Variants in RNF6 observed in about 807,000 individuals in gnomAD.
The protein encoded by RNF6 is E3 ubiquitin-protein ligase RNF6.
In RNF6, 21 loss-of-function variants were observed where a neutral mutation model predicts 50.1. That is an observed-to-expected ratio of 0.42 (90% CI 0.30 to 0.60). The LOEUF is 0.60. RNF6 is among the 20% of genes least tolerant of loss of function. The pLI is 0.20. For synonymous variants in RNF6, 255 were observed against 291.8 expected (o/e 0.87, Z 1.29); for missense variants, 698 against 838.2 (o/e 0.83, Z 2.07).
At chr13:26,208,118 A>G (rs1049041044), downstream of RNF6, among the ~76,000 whole-genome samples, 7 of 152,186 alleles carry the variant, frequency 4.6e-5, no homozygotes, top group South Asian at 8.3e-4. Flanking sequence ...AAGAATTTAC[A>G]TGGTAGGCCT....
At chr13:26,216,251 G>A (rs1869863629) in intron 4 of RNF6, among the ~76,000 whole-genome samples, 1 of 152,138 alleles carries the variant, frequency 6.6e-6, no homozygotes, top group Non-Finnish European at 1.5e-5. Context: ...CAATCTCATA[G>A]GGTTATCCTG....
chr13:26,202,889 G>A (rs1868949156), intron 5 of RNF6, among the ~76,000 whole-genome samples: 1 of 152,176 alleles, frequency 6.6e-6, no homozygotes, highest in Admixed American at 6.5e-5. Context: ...TATTAATTAA[G>A]CTCAAGACTG....
chr13:26,206,876 G>T (rs1869130465), intron 5 of RNF6, among the ~76,000 whole-genome samples: 1 of 151,646 alleles, frequency 6.6e-6, no homozygotes, highest in Non-Finnish European at 1.5e-5. Context: ...TGACTCTCAT[G>T]GGCCCTCGAC....
At chr13:26,178,591 C>CGTGTGTGTGTGTGTGTGTGTGT (rs3981342) in intron 5 of RNF6, among the ~76,000 whole-genome samples, 1 of 100,324 alleles carries the variant, frequency 1.0e-5, no homozygotes, top group Admixed American at 1.1e-4. Flanking sequence ...CTGCCTGGTC[C>CGTGTGTGTGTGTGTGTGTGTGT]GTGTGTGTGT....
intron 5 of RNF6, among the ~76,000 whole-genome samples, chr13:26,187,281 G>GTTTCC (rs369867699): frequency 0.07 from 10,681 of 152,230 alleles, 514 homozygotes; most frequent in Middle Eastern, 0.12. Flanking sequence ...AAGGGGGAAA[G>GTTTCC]CCCTGGAAAA....
intron 5 of RNF6, among the ~76,000 whole-genome samples, chr13:26,180,113 T>C (rs1393322702): frequency 1.3e-5 from 2 of 152,218 alleles, no homozygotes; most frequent in African/African-American, 2.4e-5. Flanking sequence ...TCAAGGGCTA[T>C]ATCCAGTTAT....
At position 26,186,401 on chromosome 13, in the gene RNF6, C is replaced by G. The variant is rs530931166; in HGVS notation, n.768+29073G>C. Among the ~76,000 whole-genome samples, 55 of 152,356 alleles carry G rather than the reference C, an allele frequency of 3.6e-4. No homozygotes were observed. In the East Asian group the frequency reaches 9.6e-3, roughly 27 times the overall value. ...GGCTGTCCCGCGGCAGGAACGCGCT[C>G]GTTGGGCCGCAGAGCAAGAGCGGGA... On this transcript the variant is annotated intron_variant and non_coding_transcript_variant, in intron 5 of 5. Coordinates refer to the RNF6 transcript ENST00000468480.
At position 26,215,252 on chromosome 13, in the gene RNF6, G is replaced by C; in HGVS notation, c.630C>G (p.Ser210=). 1 of 1,614,126 alleles carries C rather than the reference G, an allele frequency of 6.2e-7. No homozygotes were observed. Among genetic ancestry groups the C allele is most frequent in the South Asian group, 1.1e-5 (1 of 91,088 alleles). Residue 210 remains serine (S), a synonymous_variant, in exon 5 of 5, where the codon TCC becomes TCG. Transcript: ENST00000381588. ...QTSVNFNGSS[S]NIPRTRLASR... The stretch of plus-strand genomic sequence containing the variant: ...AAGCAAGCCTAGTCCTTGGAATGTT[G>C]GAACTACTACCATTGAAATTCACTG...
intron 5 of RNF6, among the ~76,000 whole-genome samples, chr13:26,181,434 C>T (rs1210624356): frequency 6.6e-6 from 1 of 152,216 alleles, no homozygotes; most frequent in African/African-American, 2.4e-5. Flanking sequence ...CTGTTGGCAA[C>T]AGCCTGTGAA....
chr13:26,149,963 T>C lies in RNF6; in HGVS notation n.769-17512A>G, dbSNP rs967775854. Among the ~76,000 whole-genome samples the C allele has an allele frequency of 8.7e-5, 9 of 103,700 alleles. 1 individual carries two copies. The highest frequency in any genetic ancestry group is 3.2e-4 in the African/African-American group (8 of 24,838). 68.0% of individuals were successfully genotyped at this position (103,700 alleles called of 152,430 possible). A position where few individuals can be genotyped will look rare whatever the true frequency, so the allele number is the denominator to read the frequency against. ...TGTATATATAATGTGTATATATATA[T>C]ACACAGTGTATATATAATGTGTATA... On this transcript the variant is annotated intron_variant and non_coding_transcript_variant, in intron 5 of 5. Transcript: ENST00000468480.
chr13:26,210,969 C>T (rs1044007997), downstream of RNF6, among the ~76,000 whole-genome samples: 2 of 152,192 alleles, frequency 1.3e-5, no homozygotes, highest in African/African-American at 4.8e-5. Flanking sequence ...GTTTGCCAGA[C>T]AGCCACACTA....
intron 5 of RNF6, among the ~76,000 whole-genome samples, chr13:26,167,686 G>A (rs960106023): frequency 4.6e-5 from 7 of 152,238 alleles, no homozygotes; most frequent in African/African-American, 1.2e-4. Flanking sequence ...TTGACCCAGC[G>A]ATCCCATTAC....
intron 5 of RNF6, among the ~76,000 whole-genome samples, chr13:26,148,632 TTATATATATATA>T (rs57373126): frequency 0.05 from 2,353 of 47,050 alleles, 127 homozygotes; most frequent in South Asian, 0.079. Flanking sequence ...ATAAATCTCT[TTATATATATATA>T]TATATATATA....
intron 5 of RNF6, among the ~76,000 whole-genome samples, chr13:26,146,713 A>C (rs1871266008): frequency 6.6e-6 from 1 of 152,186 alleles, no homozygotes; most frequent in Non-Finnish European, 1.5e-5. Flanking sequence ...AACCAACCCC[A>C]GTAGCTAGAA....
intron 5 of RNF6, among the ~76,000 whole-genome samples, chr13:26,205,825 CACATGTCGAAACCCTGTCTCT>C (rs1207680403): frequency 1.3e-5 from 2 of 152,120 alleles, no homozygotes; most frequent in Admixed American, 6.6e-5. Context: ...ACCAGCCTGT[CACATGTCGAAACCCTGTCTCT>C]ACAAAAAATA....
At chr13:26,211,698 C>CA (rs1245378924), downstream of RNF6, among the ~76,000 whole-genome samples, 20 of 152,188 alleles carry the variant, frequency 1.3e-4, no homozygotes, top group Middle Eastern at 3.4e-3. Flanking sequence ...GCGGAGGTTG[C>CA]AGCGAGCCGA....
At chr13:26,160,217 T>C (rs1005805589) in intron 5 of RNF6, among the ~76,000 whole-genome samples, 1 of 152,206 alleles carries the variant, frequency 6.6e-6, no homozygotes, top group Non-Finnish European at 1.5e-5. Context: ...TGCAGTTCGA[T>C]AAACACAGAC....
chr13:26,189,705 C>T (rs1426479364), intron 5 of RNF6, among the ~76,000 whole-genome samples: 1 of 142,018 alleles, frequency 7.0e-6, no homozygotes, highest in Non-Finnish European at 1.6e-5. Flanking sequence ...CATTCATCCA[C>T]TCTCATTTTT....
In RNF6 at chr13:26,214,228, C is replaced by G. The variant is rs1373743202; in HGVS notation, c.1654G>C (p.Glu552Gln). The G allele has an allele frequency of 1.2e-6, 2 of 1,614,206 alleles. No homozygotes were observed. The highest frequency in any genetic ancestry group is 3.3e-5 in the Admixed American group (2 of 60,022). Residue 552 changes from glutamate (E) to glutamine (Q), a missense_variant, in exon 5 of 5, where the codon GAA becomes CAA. Physicochemically the swap from Glu to Gln is conservative, Grantham distance 29. Transcript: ENST00000381588. ...GTATGAGGCTGGGTGGTCTCGTTTT[C>G]ACCATGCATTTCAGTGCTGTCTCCT... ...AQGDSTEMHGENETTQPHTRN... is the reference protein window; with the variant it reads ...AQGDSTEMHGQNETTQPHTRN...
Sources: allele counts gnomAD v4.1 joint callset (sites outside exome capture counted in the v4.1 genomes callset), GRCh38; gene constraint gnomAD v4.1.1; transcripts MANE v1.5; gene names NCBI Gene and HGNC (gene_info 2026-07-23, HGNC 2026-07-21).